Variants in HIVEP1 observed in about 807,000 individuals in gnomAD.
HIVEP1 encodes zinc finger protein 40.
A neutral mutation model predicts 180.0 loss-of-function variants in HIVEP1; 36 were observed. The ratio of observed to expected loss-of-function variants is 0.20; its 90% CI spans 0.15 to 0.26. The LOEUF (loss-of-function observed/expected upper bound fraction) is 0.26. HIVEP1 is among the 10% of genes least tolerant of loss of function. The pLI is 1.00. For synonymous variants in HIVEP1, 1,239 were observed against 1,239.0 expected (o/e 1.00, Z 0.00); for missense variants, 3,143 against 3,268.7 (o/e 0.96, Z 0.94).
At chr6:12,161,975 C>T in intron 8 of HIVEP1, 46 bp downstream of exon 8, 1 of 1,522,542 alleles carries the variant, frequency 6.6e-7, no homozygotes, top group Non-Finnish European at 8.9e-7. Context: ...TCGTTTTAAC[C>T]TATTAAATAT....
chr6:12,160,115 A>G (rs1284707936), intron 7 of HIVEP1, among the ~76,000 whole-genome samples: 2 of 152,206 alleles, frequency 1.3e-5, no homozygotes, highest in Non-Finnish European at 2.9e-5. Flanking sequence ...CATCTTTATT[A>G]TATCTCAGTG....
At chr6:12,176,054 C>T in the HIVEP1 span, among the ~76,000 whole-genome samples, 1 of 152,148 alleles carries the variant, frequency 6.6e-6, no homozygotes, top group Non-Finnish European at 1.5e-5. Context: ...TGAGCTGCCT[C>T]TGCATCTCCA....
chr6:12,148,160 A>G (rs1364707033), intron 7 of HIVEP1, among the ~76,000 whole-genome samples: 1 of 152,222 alleles, frequency 6.6e-6, no homozygotes, highest in Admixed American at 6.5e-5. Flanking sequence ...AACATGATGA[A>G]GGAGAATAAA....
At chr6:12,074,822 TAGAA>T (rs755384282) in intron 2 of HIVEP1, among the ~76,000 whole-genome samples, 8 of 152,216 alleles carry the variant, frequency 5.3e-5, no homozygotes, top group South Asian at 2.1e-4. Flanking sequence ...TTTATAAAGA[TAGAA>T]AGAATGTATC....
chr6:12,100,399 A>T (rs1231503846), intron 3 of HIVEP1, among the ~76,000 whole-genome samples: 1 of 152,182 alleles, frequency 6.6e-6, no homozygotes, highest in Non-Finnish European at 1.5e-5. Flanking sequence ...AGAATTCCTG[A>T]ATATTTGTTT....
the HIVEP1 span, among the ~76,000 whole-genome samples, chr6:12,208,533 C>T: frequency 6.6e-6 from 1 of 152,168 alleles, no homozygotes; most frequent in Non-Finnish European, 1.5e-5. Context: ...TGCTGCACCG[C>T]GTCACCCAGC....
At chr6:12,067,831 G>A (rs924783677) in intron 2 of HIVEP1, among the ~76,000 whole-genome samples, 6 of 152,126 alleles carry the variant, frequency 3.9e-5, no homozygotes, top group African/African-American at 1.4e-4. Flanking sequence ...GGCCCCCAAT[G>A]TAGTCTTGAG....
chr6:12,103,199 A>G (rs1398021902), intron 3 of HIVEP1, among the ~76,000 whole-genome samples: 1 of 151,052 alleles, frequency 6.6e-6, no homozygotes, highest in Non-Finnish European at 1.5e-5. Flanking sequence ...AATAATAATA[A>G]TAATAATAAT....
chr6:12,167,571 G>T (rs1366402679), downstream of HIVEP1, among the ~76,000 whole-genome samples: 2 of 1,110 alleles, frequency 1.8e-3, no homozygotes, highest in Non-Finnish European at 3.6e-3. Flanking sequence ...TTACATGCAT[G>T]TTATATATAC....
the HIVEP1 span, among the ~76,000 whole-genome samples, chr6:12,178,736 C>T: frequency 6.6e-6 from 1 of 151,534 alleles, no homozygotes; most frequent in African/African-American, 2.4e-5. Flanking sequence ...TTCCAGCAAT[C>T]CCCACTCCCT....
chr6:12,161,248 C>T (rs767378066), intron 7 of HIVEP1, among the ~76,000 whole-genome samples, 191 bp from the exon 8 acceptor site: 11 of 152,184 alleles, frequency 7.2e-5, no homozygotes, highest in African/African-American at 4.8e-5. Flanking sequence ...GAGCTGCCCT[C>T]CTCTGAATCC....
Position 12,123,415 on chromosome 6 carries a change from A to G in HIVEP1, c.3620A>G (p.Gln1207Arg). 1 of 1,614,214 alleles carries G rather than the reference A, an allele frequency of 6.2e-7. No homozygotes were observed. The highest frequency in any genetic ancestry group is 8.5e-7 in the Non-Finnish European group (1 of 1,180,040). Residue 1207 changes from glutamine (Q) to arginine (R), a missense_variant, in exon 4 of 9, where the codon CAG (glutamine) becomes CGG (arginine). Physicochemically the swap from Gln to Arg is conservative, Grantham distance 43 (BLOSUM62 1). Around this residue, in one of 12 missense-constraint regions of HIVEP1, gnomAD observed 1,357 missense variants for 1,260.5 expected, o/e 1.08. Coordinates refer to ENST00000379388, the MANE Select transcript of HIVEP1 (RefSeq NM_002114.4). ...TCAGACGCTCTCAGAGGAGAACTTCAGGAAAGCTCCAGAAAGAGTCCAAGT... is the reference window on the plus strand; with the variant it reads ...TCAGACGCTCTCAGAGGAGAACTTCGGGAAAGCTCCAGAAAGAGTCCAAGT... ...ALSDALRGELQESSRKSPSER... is the reference protein window; with the variant it reads ...ALSDALRGELRESSRKSPSER...
chr6:12,038,943 A>T (rs1378071357), intron 2 of HIVEP1: 1 of 152,168 alleles, frequency 6.6e-6, no homozygotes, highest in Admixed American at 6.5e-5. Context: ...CAGATTTGTG[A>T]TGAGAGTTAA....
At chr6:12,152,939 G>A (rs220021) in intron 7 of HIVEP1, among the ~76,000 whole-genome samples, 112,746 of 152,134 alleles carry the variant, frequency 0.74, 42,203 homozygotes, top group African/African-American at 0.8. Flanking sequence ...TAGTTTTTAC[G>A]TACATAAAAA....
chr6:12,167,875 T>C (rs1760770225), downstream of HIVEP1, among the ~76,000 whole-genome samples: 1 of 144,660 alleles, frequency 6.9e-6, no homozygotes, highest in South Asian at 2.1e-4. Flanking sequence ...TATATACACA[T>C]GTACATGTAT....
chr6:12,195,458 A>C, the HIVEP1 span, among the ~76,000 whole-genome samples: 4 of 152,228 alleles, frequency 2.6e-5, no homozygotes, highest in Non-Finnish European at 4.4e-5. Context: ...TCAGCGGTTA[A>C]AAAAATTTTA....
At chr6:12,156,593 CTGTT>C (rs1760068385) in intron 7 of HIVEP1, among the ~76,000 whole-genome samples, 1 of 152,084 alleles carries the variant, frequency 6.6e-6, no homozygotes, top group Non-Finnish European at 1.5e-5. Context: ...ATCTATGTGT[CTGTT>C]CTTGTACCAG....
In HIVEP1 at chr6:12,124,709, A is replaced by C; in HGVS notation, c.4914A>C (p.Ile1638=). The C allele has an allele frequency of 6.2e-7, 1 of 1,614,162 alleles. No individual in the cohort carries two copies. Among genetic ancestry groups the C allele is most frequent in the Non-Finnish European group, 8.5e-7 (1 of 1,180,014 alleles). Residue 1638 remains isoleucine (I), a synonymous_variant, in exon 4 of 9, where the codon ATA becomes ATC. Transcript: ENST00000379388. ...QKVPSSFMLP[I]RLQSSVPAYC... is the part of the protein sequence containing the mutation. ...TGCCATCATCATTCATGCTGCCCATACGCCTGCAGAGTAGTGTTCCTGCTT... is the reference window on the plus strand; with the variant it reads ...TGCCATCATCATTCATGCTGCCCATCCGCCTGCAGAGTAGTGTTCCTGCTT...
At chr6:12,087,743 G>GT (rs1773200103) in intron 2 of HIVEP1, among the ~76,000 whole-genome samples, 1 of 152,112 alleles carries the variant, frequency 6.6e-6, no homozygotes, top group Admixed American at 6.6e-5. Context: ...TTTAATGTGT[G>GT]TTTTTTTCCA....
Sources: allele counts gnomAD v4.1 joint callset (sites outside exome capture counted in the v4.1 genomes callset), GRCh38; gene constraint gnomAD v4.1.1; regional missense constraint gnomAD v4.1.1; transcripts MANE v1.5; gene names NCBI Gene and HGNC (gene_info 2026-07-23, HGNC 2026-07-21).